The following CTNND2 variants were observed in gnomAD, a reference collection of about 807,000 sequenced individuals.
The protein encoded by CTNND2 is catenin delta-2.
Under a neutral mutation model 144.4 loss-of-function variants are expected in CTNND2, and 22 were observed. The ratio of observed to expected loss-of-function variants is 0.15; its 90% CI spans 0.11 to 0.22. The LOEUF (loss-of-function observed/expected upper bound fraction) is 0.22. Among genes scored for constraint, CTNND2 ranks in the 10% least tolerant of loss-of-function variants. The pLI is 1.00. For missense variants in CTNND2, 1,353 were observed against 1,618.8 expected (o/e 0.84, Z 2.82); for synonymous variants, 751 against 695.6 (o/e 1.08, Z -1.25).
intron 1 of CTNND2, among the ~76,000 whole-genome samples, chr5:11,879,016 C>A (rs1236831914): frequency 6.6e-6 from 1 of 152,130 alleles, no homozygotes; most frequent in Non-Finnish European, 1.5e-5. Flanking sequence ...CCAGCCGCCC[C>A]ACATGGCAGA....
rs199588264 is a variant in CTNND2 at position 11,350,141 on chromosome 5, GA to G, written c.1373-3515del. Among the ~76,000 whole-genome samples, 24 of 149,134 alleles carry G rather than the reference GA, an allele frequency of 1.6e-4. No individual in the cohort carries two copies. In the East Asian group the frequency reaches 1.8e-3, roughly 11 times the overall value. ...GGCAGAGCAAGACTCCATCTCAAAA[GA>G]AAAAAAAAATTTACACTGTTTCTAC... On this transcript the variant is annotated intron_variant, in intron 8 of 21. Coordinates refer to ENST00000304623, the MANE Select transcript of CTNND2 (RefSeq NM_001332.4).
Position 11,333,130 on chromosome 5 carries a change from T to C in CTNND2, c.1628+13242A>G, listed in dbSNP as rs140088887. On this transcript the variant is annotated intron_variant, in intron 9 of 21. Transcript: ENST00000304623. ...GCATGATGTCTTCATGATTCATCCC[T>C]CTTGTAGTATGTATCAGAATTTCCT... Among the ~76,000 whole-genome samples, 574 of 152,368 alleles carry C rather than the reference T, an allele frequency of 3.8e-3. 4 individuals are homozygous for C. The highest frequency in any genetic ancestry group is 0.01 in the Middle Eastern group (3 of 294).
At chr5:11,026,315 A>AAATAGATG (rs1231144991) in intron 16 of CTNND2, among the ~76,000 whole-genome samples, 1 of 151,720 alleles carries the variant, frequency 6.6e-6, no homozygotes, top group African/African-American at 2.4e-5. Context: ...TAACCACTGC[A>AAATAGATG]AATAGATGAC....
intron 1 of CTNND2, among the ~76,000 whole-genome samples, chr5:11,872,886 C>A: frequency 6.6e-6 from 1 of 152,124 alleles, no homozygotes; most frequent in South Asian, 2.1e-4. Context: ...ATACTAAAAC[C>A]ATAAAAACCC....
At chr5:11,864,149 C>G (rs147461202) in intron 1 of CTNND2, among the ~76,000 whole-genome samples, 8 of 152,084 alleles carry the variant, frequency 5.3e-5, no homozygotes, top group African/African-American at 1.4e-4. Flanking sequence ...CTCCCCACAA[C>G]GAAAGGCAGG....
chr5:10,986,528 C>T, intron 20 of CTNND2: 1 of 431,880 alleles, frequency 2.3e-6, no homozygotes, highest in Admixed American at 2.5e-5. Flanking sequence ...ATGGGATCCT[C>T]TGCCGAATGT....
intron 9 of CTNND2, among the ~76,000 whole-genome samples, chr5:11,304,012 G>T (rs1436709520): frequency 6.6e-6 from 1 of 152,124 alleles, no homozygotes; most frequent in African/African-American, 2.4e-5. Flanking sequence ...TCTCTTGCCT[G>T]CCGCCATGTA....
intron 9 of CTNND2, among the ~76,000 whole-genome samples, chr5:11,261,262 T>C (rs900800406): frequency 2.0e-5 from 3 of 152,208 alleles, no homozygotes; most frequent in African/African-American, 7.2e-5. Context: ...CAGCCTCTCA[T>C]CGGTCTAGGC....
intron 2 of CTNND2, among the ~76,000 whole-genome samples, chr5:11,645,028 C>A (rs1254048025): frequency 1.3e-5 from 2 of 152,102 alleles, no homozygotes; most frequent in Non-Finnish European, 2.9e-5. Flanking sequence ...AGCTGCATAA[C>A]CATCATAGCT....
intron 3 of CTNND2, among the ~76,000 whole-genome samples, chr5:11,519,917 T>C (rs1189475583): frequency 6.6e-6 from 1 of 151,756 alleles, no homozygotes; most frequent in Non-Finnish European, 1.5e-5. Context: ...CACGGGCGGA[T>C]CACCTAAGGT....
rs189628727 is a variant in CTNND2, at chr5:11,715,475, C to T, written c.174+16661G>A. Among the ~76,000 whole-genome samples the T allele has an allele frequency of 3.3e-5, 5 of 152,258 alleles. No individual in the cohort carries two copies. The East Asian group carries it at 7.7e-4, about 24-fold the overall frequency. On this transcript the variant is annotated intron_variant, in intron 2 of 21. Coordinates refer to ENST00000304623, the MANE Select transcript of CTNND2 (RefSeq NM_001332.4). Reference sequence around the variant, plus strand: ...CAGCAGTTGACTTAACTGTTAACTCCAAAACCTCCTGTTAGTCAAGCCTTT... The same window carrying T: ...CAGCAGTTGACTTAACTGTTAACTCTAAAACCTCCTGTTAGTCAAGCCTTT...
intron 11 of CTNND2, among the ~76,000 whole-genome samples, chr5:11,175,380 G>T (rs537373313): frequency 6.6e-6 from 1 of 152,258 alleles, no homozygotes; most frequent in South Asian, 2.1e-4. Context: ...CAGAGATAAT[G>T]AGATTTGGGA....
chr5:11,166,528 C>T (rs1023410239), intron 11 of CTNND2, among the ~76,000 whole-genome samples: 33 of 151,204 alleles, frequency 2.2e-4, no homozygotes, highest in African/African-American at 6.3e-4. Context: ...GGATTACAGG[C>T]CCGCCACCAC....
intron 1 of CTNND2, among the ~76,000 whole-genome samples, chr5:11,733,948 G>A (rs1251929649): frequency 6.6e-6 from 1 of 152,176 alleles, no homozygotes; most frequent in African/African-American, 2.4e-5. Context: ...GGTACTAGGA[G>A]GAGGGGCCTT....
chr5:11,574,800 G>C (rs905272318), intron 2 of CTNND2, among the ~76,000 whole-genome samples: 6 of 152,156 alleles, frequency 3.9e-5, no homozygotes, highest in South Asian at 2.1e-4. Context: ...TACCACAATA[G>C]AGAAAGCAGC....
At chr5:11,396,410 T>G (rs1760141182) in intron 6 of CTNND2, among the ~76,000 whole-genome samples, 1 of 152,194 alleles carries the variant, frequency 6.6e-6, no homozygotes, top group Non-Finnish European at 1.5e-5. Context: ...AGCTGCTTCT[T>G]TTTACCAAGA....
chr5:11,084,550 T>C (rs1749932739), intron 15 of CTNND2, among the ~76,000 whole-genome samples: 1 of 152,128 alleles, frequency 6.6e-6, no homozygotes, highest in African/African-American at 2.4e-5. Context: ...AAAAGGAACA[T>C]CAACAATAAC....
intron 3 of CTNND2, among the ~76,000 whole-genome samples, chr5:11,531,436 G>A (rs1398684140): frequency 2.0e-5 from 3 of 152,102 alleles, no homozygotes; most frequent in Middle Eastern, 6.3e-3. Flanking sequence ...GGCCAGCCTG[G>A]CCAACATGGT....
chr5:11,751,992 T>C (rs1788650336), intron 1 of CTNND2, among the ~76,000 whole-genome samples: 1 of 151,944 alleles, frequency 6.6e-6, no homozygotes, highest in African/African-American at 2.4e-5. Context: ...TCATAAATTG[T>C]TGGCTGTGCA....
Sources: gnomAD v4.1 joint callset for allele counts (sites outside exome capture counted in the v4.1 genomes callset) on GRCh38, gnomAD v4.1.1 for gene constraint, MANE v1.5 for transcripts, NCBI Gene and HGNC (gene_info 2026-07-23, HGNC 2026-07-21) for gene names.